Variants in SCRG1 observed in about 807,000 individuals in gnomAD.
The protein encoded by SCRG1 is scrapie-responsive protein 1.
In SCRG1, 3 loss-of-function variants were observed where a neutral mutation model predicts 7.7. The ratio of observed to expected loss-of-function variants is 0.39; its 90% CI spans 0.18 to 1.01. The LOEUF (loss-of-function observed/expected upper bound fraction) is 1.01, where lower values mean the gene tolerates loss of function less well. Among genes scored for constraint, SCRG1 ranks in the 50% least tolerant of loss-of-function variants. The pLI is 0.36. For synonymous variants in SCRG1, 46 were observed against 41.2 expected (o/e 1.12, Z -0.44); for missense variants, 110 against 117.2 (o/e 0.94, Z 0.28).
the SCRG1 span, among the ~76,000 whole-genome samples, chr4:173,477,746 CCTTCCTTCCTTCCTTCCTTCCTT>C: frequency 6.7e-6 from 1 of 148,388 alleles, no homozygotes; most frequent in Admixed American, 6.8e-5. Context: ...TTCCTTCCTT[CCTTCCTTCCTTCCTTCCTTCCTT>C]CTTTCCTTCC....
At chr4:173,473,289 G>A in the SCRG1 span, among the ~76,000 whole-genome samples, 13 of 152,310 alleles carry the variant, frequency 8.5e-5, no homozygotes, top group African/African-American at 2.9e-4. Context: ...TAAATTAGGA[G>A]GAAAGTGTTA....
At chr4:173,419,926 G>T in the SCRG1 span, 1 of 787,460 alleles carries the variant, frequency 1.3e-6, no homozygotes, top group Non-Finnish European at 2.2e-6. Context: ...CATATTTTGT[G>T]CAGACTATCA....
chr4:173,487,597 AC>A, the SCRG1 span, among the ~76,000 whole-genome samples: 3 of 152,132 alleles, frequency 2.0e-5, no homozygotes, highest in Non-Finnish European at 2.9e-5. Context: ...ATTATTTTTC[AC>A]CTTTTTTAGT....
the SCRG1 span, among the ~76,000 whole-genome samples, chr4:173,483,777 A>G: frequency 2.6e-5 from 2 of 76,754 alleles, no homozygotes; most frequent in South Asian, 7.9e-4. Context: ...ATGATATATG[A>G]TATATCATAT....
At chr4:173,401,168 T>G (rs1348674857), upstream of SCRG1, among the ~76,000 whole-genome samples, 1 of 152,158 alleles carries the variant, frequency 6.6e-6, no homozygotes, top group African/African-American at 2.4e-5. Flanking sequence ...GGTCTCCATT[T>G]CGCTGAAACT....
At chr4:173,463,998 A>C in the SCRG1 span, among the ~76,000 whole-genome samples, 1 of 152,154 alleles carries the variant, frequency 6.6e-6, no homozygotes, top group Non-Finnish European at 1.5e-5. Context: ...AATATTTATG[A>C]CTAGATTTTC....
the SCRG1 span, among the ~76,000 whole-genome samples, chr4:173,463,934 G>A: frequency 6.6e-6 from 1 of 152,106 alleles, no homozygotes; most frequent in African/African-American, 2.4e-5. Context: ...AGGCAGCTGA[G>A]CCAAGATTCA....
chr4:173,454,353 G>A, the SCRG1 span, among the ~76,000 whole-genome samples: 65,636 of 151,918 alleles, frequency 0.43, 16,587 homozygotes, highest in Non-Finnish European at 0.57. Context: ...GTGCTAACCA[G>A]CAACACAGAG....
intron 1 of SCRG1, among the ~76,000 whole-genome samples, chr4:173,396,741 T>TGTGA (rs1553964624): frequency 0.013 from 1,950 of 145,630 alleles, 56 homozygotes; most frequent in African/African-American, 0.045. Context: ...TGTGTGTGTG[T>TGTGA]GTGTGTGTAT....
chr4:173,510,487 A>G, the SCRG1 span, among the ~76,000 whole-genome samples: 3 of 151,950 alleles, frequency 2.0e-5, no homozygotes, highest in Admixed American at 1.3e-4. This position sits in a 1 kb window ranked among gnomAD's most constrained non-coding sequence, Gnocchi z 5.7. Context: ...CTACCCCTCC[A>G]CAAGTAGGTA....
the SCRG1 span, among the ~76,000 whole-genome samples, chr4:173,435,856 A>G: frequency 6.6e-6 from 1 of 152,156 alleles, no homozygotes; most frequent in African/African-American, 2.4e-5. Flanking sequence ...CTGCTCACAG[A>G]CAAAAGGATG....
chr4:173,403,593 A>G (rs1400843783), upstream of SCRG1, among the ~76,000 whole-genome samples: 1 of 152,204 alleles, frequency 6.6e-6, no homozygotes, highest in Non-Finnish European at 1.5e-5. Context: ...AGAAAAATGA[A>G]CATCAGGAGA....
At chr4:173,484,115 A>C in the SCRG1 span, among the ~76,000 whole-genome samples, 3 of 70,362 alleles carry the variant, frequency 4.3e-5, no homozygotes, top group African/African-American at 1.1e-4. Context: ...TATAATATAT[A>C]ATATACAATA....
chr4:173,444,767 G>C, the SCRG1 span, among the ~76,000 whole-genome samples: 5 of 152,282 alleles, frequency 3.3e-5, no homozygotes, highest in South Asian at 1.0e-3. Context: ...TCTGGATCTT[G>C]TTGTGGTGGG....
Position 173,391,377 on chromosome 4 carries a change from G to A in SCRG1, c.38C>T (p.Thr13Ile). The change falls in exon 2 of 3, where the codon ACT (threonine) becomes ATT (isoleucine). Residue 13 changes from threonine to isoleucine, a missense_variant. Transcript: ENST00000296506. ...CATGGCTTGAACTCCTAGCAGCAAA[G>A]TTAGCCCAATGGTGAAAACAAGTAC... The part of the protein sequence containing the change: ...LMVLVFTIGL[T>I]LLLGVQAMPA... 6.2e-7 allele frequency: 1 copy of A among 1,614,196 alleles called. No individual in the cohort carries two copies. The highest frequency in any genetic ancestry group is 8.5e-7 in the Non-Finnish European group (1 of 1,180,020).
the SCRG1 span, among the ~76,000 whole-genome samples, chr4:173,441,376 CA>C: frequency 2.0e-5 from 3 of 152,174 alleles, no homozygotes; most frequent in Non-Finnish European, 2.9e-5. Flanking sequence ...ACTGTAGTCT[CA>C]GCTGTGAAAT....
chr4:173,508,916 ACT>A, the SCRG1 span, among the ~76,000 whole-genome samples: 4 of 152,076 alleles, frequency 2.6e-5, no homozygotes, highest in African/African-American at 9.7e-5. The surrounding 1 kb of genome is among the most constrained non-coding windows in gnomAD (Gnocchi z 4.4). Flanking sequence ...TTGTCCCTGC[ACT>A]CTGACAGTTT....
At chr4:173,467,114 A>G in the SCRG1 span, among the ~76,000 whole-genome samples, 2 of 152,174 alleles carry the variant, frequency 1.3e-5, no homozygotes, top group African/African-American at 4.8e-5. Context: ...TTTAAAAAAC[A>G]TTCCCCATGG....
chr4:173,388,413 ATC>A lies in SCRG1; in HGVS notation c.243-20_243-19del, dbSNP rs762190954. 28 of 1,583,120 alleles carry A rather than the reference ATC, an allele frequency of 1.8e-5. No individual in the cohort carries two copies. The African/African-American group carries it at 3.6e-4, about 21-fold the overall frequency. On this transcript the variant is annotated intron_variant, in intron 2 of 2. Coordinates refer to ENST00000296506, the MANE Select transcript of SCRG1 (RefSeq NM_007281.4). The stretch of plus-strand genomic sequence containing the variant: ...AAACGTCTCTGAAAGAAAATAGAGC[ATC>A]AATTAAATTCACCTTAAGGCTAAGA...
Sources: allele counts gnomAD v4.1 joint callset (sites outside exome capture counted in the v4.1 genomes callset), GRCh38; gene constraint gnomAD v4.1.1; non-coding constraint Gnocchi (gnomAD v3.1); transcripts MANE v1.5; gene names NCBI Gene and HGNC (gene_info 2026-07-23, HGNC 2026-07-21).